Variants in DNAL1 observed in about 807,000 individuals in gnomAD.
The protein encoded by DNAL1 is dynein axonemal light chain 1.
Under a neutral mutation model 29.4 loss-of-function variants are expected in DNAL1, and 17 were observed. That is an observed-to-expected ratio of 0.58 (90% CI 0.40 to 0.87). DNAL1 has a LOEUF of 0.87. Ranked by LOEUF, DNAL1 falls within the 40% of genes least tolerant of loss-of-function variation. DNAL1 has a pLI of 0.00. For synonymous variants in DNAL1, 78 were observed against 76.3 expected (o/e 1.02, Z -0.12); for missense variants, 188 against 214.1 (o/e 0.88, Z 0.76).
chr14:73,664,319 T>C (rs1891425095), intron 4 of DNAL1, among the ~76,000 whole-genome samples: 1 of 152,206 alleles, frequency 6.6e-6, no homozygotes, highest in Non-Finnish European at 1.5e-5. Context: ...TCAGGTGACC[T>C]TCATCACTGA....
chr14:73,685,837 G>T (rs1892009009), intron 5 of DNAL1, among the ~76,000 whole-genome samples: 1 of 152,072 alleles, frequency 6.6e-6, no homozygotes, highest in South Asian at 2.1e-4. Context: ...TTGTCTATCA[G>T]TGGACACTTG....
chr14:73,651,805 C>T (rs565271395), intron 1 of DNAL1, among the ~76,000 whole-genome samples: 55 of 152,144 alleles, frequency 3.6e-4, no homozygotes, highest in African/African-American at 9.9e-4. Flanking sequence ...TACAGGTGCA[C>T]ATCACCATGC....
intron 3 of DNAL1, among the ~76,000 whole-genome samples, chr14:73,661,134 AGCCTG>A (rs1369707942): frequency 6.6e-6 from 1 of 151,942 alleles, no homozygotes; most frequent in Non-Finnish European, 1.5e-5. Flanking sequence ...ACTGCACTCC[AGCCTG>A]GGCCACAGAG....
At chr14:73,685,017 C>A (rs968299995) in intron 5 of DNAL1, among the ~76,000 whole-genome samples, 3 of 152,206 alleles carry the variant, frequency 2.0e-5, no homozygotes, top group Non-Finnish European at 2.9e-5. Context: ...TCAATACTTA[C>A]AATGGTTTGT....
chr14:73,671,507 C>G (rs1182090235), intron 4 of DNAL1, 35 bp from the exon 5 acceptor site: 43 of 1,415,448 alleles, frequency 3.0e-5, no homozygotes, highest in Non-Finnish European at 3.8e-5. Context: ...TAATATGATT[C>G]TAGTAAACAA....
chr14:73,693,154 A>C (rs1309023299), intron 7 of DNAL1, among the ~76,000 whole-genome samples: 2 of 152,124 alleles, frequency 1.3e-5, no homozygotes, highest in Non-Finnish European at 2.9e-5. Flanking sequence ...GGATGTTAAA[A>C]ATCTAAAATA....
rs1259049953 is a variant in DNAL1, at chr14:73,701,081, C to T, written c.*5139C>T. 6.6e-6 allele frequency: 1 copy of T among 152,146 alleles called. No individual in the cohort carries two copies. The highest frequency in any genetic ancestry group is 1.5e-5 in the Non-Finnish European group (1 of 68,038). The allele number at this position is 152,146 out of a possible 1,614,324, so 9.4% of individuals were successfully genotyped here. On this transcript the variant is annotated 3_prime_UTR_variant, in exon 8 of 8. Transcript: ENST00000553645. ...TAGACTGAGTCTTACCTTTCTCTGA[C>T]CTAAGATAAACTGATAAAACTTTTT...
In DNAL1 at chr14:73,696,198, G is replaced by A. The variant is rs114581244; in HGVS notation, c.*256G>A. 1.8e-3 allele frequency: 679 copies of A among 368,232 alleles called. 2 individuals carry two copies. The highest frequency in any genetic ancestry group is 0.013 in the African/African-American group (632 of 47,474). The allele number at this position is 368,232 out of a possible 1,614,324, so 22.8% of individuals were successfully genotyped here. A position where few individuals can be genotyped will look rare whatever the true frequency, so the allele number is the denominator to read the frequency against. On this transcript the variant is annotated 3_prime_UTR_variant, in exon 8 of 8. Coordinates refer to ENST00000553645, the MANE Select transcript of DNAL1 (RefSeq NM_031427.4). ...GATTTTTGTCTTCAGTCTCAGTTAC[G>A]TACTGTGTAGCCCCATCTACTAAAA... is the stretch of plus-strand genomic sequence containing the variant.
At chr14:73,668,073 G>T (rs903598597) in intron 4 of DNAL1, among the ~76,000 whole-genome samples, 16 of 152,112 alleles carry the variant, frequency 1.1e-4, no homozygotes, top group African/African-American at 3.6e-4. Context: ...TCTTCCTCCA[G>T]ATATGTGCAT....
intron 5 of DNAL1, among the ~76,000 whole-genome samples, chr14:73,684,649 C>G (rs956299509): frequency 6.6e-6 from 1 of 152,148 alleles, no homozygotes; most frequent in African/African-American, 2.4e-5. Context: ...ATAGTCCTAG[C>G]ACTTTGGGAG....
intron 1 of DNAL1, 124 bp from the exon 2 acceptor site, chr14:73,654,723 C>T: frequency 1.2e-6 from 1 of 824,946 alleles, no homozygotes; most frequent in South Asian, 2.2e-5. Context: ...CATGCCATTG[C>T]ACTCCAGCCT....
At chr14:73,689,095 G>A (rs1030983146) in intron 6 of DNAL1, among the ~76,000 whole-genome samples, 10 of 131,390 alleles carry the variant, frequency 7.6e-5, no homozygotes, top group East Asian at 5.3e-4. Context: ...GTGCATTGGT[G>A]CAATCTCTGC....
intron 2 of DNAL1, 55 bp downstream of exon 2, chr14:73,654,940 T>A: frequency 6.7e-7 from 1 of 1,500,550 alleles, no homozygotes; most frequent in Non-Finnish European, 9.0e-7. Context: ...AAATTTTGGA[T>A]AGTTATTCAA....
At chr14:73,675,320 T>G (rs1477379450) in intron 5 of DNAL1, among the ~76,000 whole-genome samples, 1 of 151,780 alleles carries the variant, frequency 6.6e-6, no homozygotes, top group Non-Finnish European at 1.5e-5. Context: ...GTGGCATGAT[T>G]ACAGCTCACT....
intron 5 of DNAL1, among the ~76,000 whole-genome samples, chr14:73,685,238 G>A (rs1891990507): frequency 1.3e-5 from 2 of 152,126 alleles, no homozygotes; most frequent in Admixed American, 1.3e-4. Flanking sequence ...CATCTTGTGT[G>A]TCTGAACCTC....
chr14:73,676,732 A>G (rs1429842718), intron 5 of DNAL1, among the ~76,000 whole-genome samples: 1 of 151,782 alleles, frequency 6.6e-6, no homozygotes, highest in African/African-American at 2.4e-5. Context: ...CTTTCCACAA[A>G]TCATGTTGCA....
chr14:73,647,143 G>T (rs534089859), intron 1 of DNAL1, among the ~76,000 whole-genome samples: 2 of 151,970 alleles, frequency 1.3e-5, no homozygotes, highest in African/African-American at 4.8e-5. Context: ...CGGATCACGA[G>T]GTCAGAAGAT....
intron 1 of DNAL1, among the ~76,000 whole-genome samples, chr14:73,652,547 A>G (rs1229666893): frequency 1.3e-5 from 2 of 152,130 alleles, no homozygotes; most frequent in African/African-American, 4.8e-5. Flanking sequence ...AAGCGCTGGG[A>G]TTACAGGCAT....
At chr14:73,694,363 A>G (rs2140065710) in intron 7 of DNAL1, among the ~76,000 whole-genome samples, 1 of 152,284 alleles carries the variant, frequency 6.6e-6, no homozygotes, top group East Asian at 1.9e-4. Context: ...CAGAGGTAAA[A>G]GTGTGCAAGA....
Sources: allele counts gnomAD v4.1 joint callset (sites outside exome capture counted in the v4.1 genomes callset), GRCh38; gene constraint gnomAD v4.1.1; transcripts MANE v1.5; gene names NCBI Gene and HGNC (gene_info 2026-07-23, HGNC 2026-07-21).